The following TK1 variants were observed in gnomAD, a reference collection of about 807,000 sequenced individuals.
TK1 encodes the protein thymidine kinase, cytosolic.
A neutral mutation model predicts 22.4 loss-of-function variants in TK1; 13 were observed. The ratio of observed to expected loss-of-function variants is 0.58; its 90% CI spans 0.38 to 0.92. The LOEUF (loss-of-function observed/expected upper bound fraction) is 0.92, where lower values mean the gene tolerates loss of function less well. Among genes scored for constraint, TK1 ranks in the 40% least tolerant of loss-of-function variants. The pLI is 0.00. For missense variants in TK1, 251 were observed against 315.7 expected, an observed-to-expected ratio of 0.80 and a Z score of 1.55; for synonymous variants, 134 against 125.4, an observed-to-expected ratio of 1.07 and a Z score of -0.46.
chr17:78,187,099 C>T (rs765279248), upstream of TK1: 6 of 1,299,408 alleles, frequency 4.6e-6, no homozygotes, highest in Non-Finnish European at 6.5e-6. Flanking sequence ...GCTGGCCAAT[C>T]ACGAGCCGGC....
At chr17:78,179,595 A>C (rs2075724764) in intron 4 of TK1, 1 of 985,410 alleles carries the variant, frequency 1.0e-6, no homozygotes, top group Non-Finnish European at 1.2e-6. Flanking sequence ...ACTCATACAG[A>C]ATGTTGGGCA....
Position 78,175,143 on chromosome 17 carries a change from C to T in TK1, c.420G>A (p.Val140=), listed in dbSNP as rs1210980097. The change falls in exon 6 of 7, where the codon GTG becomes GTA. Residue 140 remains valine (V), a synonymous_variant. Transcript: ENST00000301634. Reference sequence around the variant, plus strand: ...GCTTCACCACGCTCTCGGCCAGCGGCACCAGGTTCAGGATGGCCCCAAATG... The same window carrying T: ...GCTTCACCACGCTCTCGGCCAGCGGTACCAGGTTCAGGATGGCCCCAAATG... The part of the protein sequence containing the change: ...RKPFGAILNL[V]PLAESVVKLT... 1 of 1,612,952 alleles carries T rather than the reference C, an allele frequency of 6.2e-7. No homozygotes were observed. The highest frequency in any genetic ancestry group is 8.5e-7 in the Non-Finnish European group (1 of 1,179,884).
rs150251231 is a variant in TK1 at position 78,184,462 on chromosome 17, T to A, written c.209+593A>T. ...CCACATCTGCTGCCAAGGAAGTGAA[T>A]TTAACTCCCAAACTGAGGTTGCAGG... On this transcript the variant is annotated intron_variant, in intron 3 of 6. Coordinates refer to ENST00000301634, the MANE Select transcript of TK1 (RefSeq NM_003258.5). Among the ~76,000 whole-genome samples, 26 of 152,292 alleles carry A rather than the reference T, an allele frequency of 1.7e-4. No individual in the cohort carries two copies. The East Asian group carries it at 5.0e-3, about 29-fold the overall frequency.
At position 78,174,678 on chromosome 17, in the gene TK1, C is replaced by G; in HGVS notation, c.*81G>C. On this transcript the variant is annotated 3_prime_UTR_variant, in exon 7 of 7. Transcript: ENST00000301634. ...ACCCTCCACGCCTCCCGACTTCCTC[C>G]TGGAGTGGCTGGGCAGCATGCAGGG... The G allele has an allele frequency of 6.8e-7, 1 of 1,460,818 alleles. No individual in the cohort carries two copies. The highest frequency in any genetic ancestry group is 9.1e-7 in the Non-Finnish European group (1 of 1,097,478). 90.5% of individuals were successfully genotyped at this position (1,460,818 alleles called of 1,614,324 possible).
chr17:78,180,017 G>A (rs2075727459), intron 4 of TK1, among the ~76,000 whole-genome samples: 1 of 152,240 alleles, frequency 6.6e-6, no homozygotes. Context: ...GTTATAGTGA[G>A]CCGAGACTGC....
Position 78,175,648 on chromosome 17 carries a change from A to T in TK1, c.304-30T>A, listed in dbSNP as rs760441266. 3.8e-6 allele frequency: 6 copies of T among 1,599,200 alleles called. No homozygotes were observed. The South Asian group carries it at 6.6e-5, about 18-fold the overall frequency. On this transcript the variant is annotated intron_variant, in intron 4 of 6. Coordinates refer to ENST00000301634, the MANE Select transcript of TK1 (RefSeq NM_003258.5). ...AAAGGGCACGTGGAGAAAGAGTGTG[A>T]GAGCTTCCACCCCAGCAGCAGCTCC...
chr17:78,178,005 G>T (rs1239146560), intron 4 of TK1, among the ~76,000 whole-genome samples: 1 of 151,828 alleles, frequency 6.6e-6, no homozygotes, highest in East Asian at 1.9e-4. Context: ...CAAGTAGCTG[G>T]AATTACAGGT....
chr17:78,181,733 T>C (rs1020255129), intron 4 of TK1, among the ~76,000 whole-genome samples: 1 of 151,578 alleles, frequency 6.6e-6, no homozygotes, highest in Non-Finnish European at 1.5e-5. Flanking sequence ...AAAGGAACCA[T>C]GAGGCAAACC....
rs371179788 is a variant in TK1 at position 78,175,046 on chromosome 17, C to T, written c.513+4G>A. ...CGGCCTGCAGGGAAGGCAGGTGGAGCTACCTCCTTCTCTGTGCCGAGCCTC... is the reference window on the plus strand; with the variant it reads ...CGGCCTGCAGGGAAGGCAGGTGGAGTTACCTCCTTCTCTGTGCCGAGCCTC... On this transcript the variant is annotated splice_donor_region_variant and intron_variant, in intron 6 of 6. Transcript: ENST00000301634. The T allele has an allele frequency of 6.0e-5, 96 of 1,613,132 alleles. No homozygotes were observed. The African/African-American group carries it at 1.2e-3, about 20-fold the overall frequency.
In TK1 at chr17:78,187,025, A is replaced by T. The variant is rs2145833865; in HGVS notation, c.-31T>A. The stretch of plus-strand genomic sequence containing the variant: ...CTCCGGGAAGTTCACGAACCCGAGT[A>T]CTCTCCAAGGCCGTCCCGCAGTAAG... On this transcript the variant is annotated 5_prime_UTR_variant, in exon 1 of 7. Transcript: ENST00000301634. The T allele has an allele frequency of 6.3e-7, 1 of 1,587,570 alleles. No individual in the cohort carries two copies. Among genetic ancestry groups the T allele is most frequent in the East Asian group, 2.3e-5 (1 of 42,974 alleles).
intron 2 of TK1, 108 bp from the exon 3 acceptor site, chr17:78,185,273 G>C (rs2075773971): frequency 2.6e-6 from 2 of 764,708 alleles, no homozygotes; most frequent in Non-Finnish European, 2.3e-6. Flanking sequence ...TATGCAGACT[G>C]AGCCCACCAC....
At position 78,175,535 on chromosome 17, in the gene TK1, C is replaced by T; in HGVS notation, c.387G>A (p.Gln129=). 6.2e-7 allele frequency: 1 copy of T among 1,613,262 alleles called. No individual in the cohort carries two copies. Among genetic ancestry groups the T allele is most frequent in the South Asian group, 1.1e-5 (1 of 91,040 alleles). Residue 129 remains glutamine, a synonymous_variant, in exon 5 of 7, where the codon CAG becomes CAA. Coordinates refer to ENST00000301634, the MANE Select transcript of TK1 (RefSeq NM_003258.5). The stretch of plus-strand genomic sequence containing the variant: ...CCTGGATCAGACGCCTTACCTTCCT[C>T]TGGAAGGTCCCATCCAGTGCAGCCA... ...VIVAALDGTF[Q]RKPFGAILNL... is the part of the protein sequence containing the mutation.
chr17:78,177,298 C>T (rs575468164), intron 4 of TK1, among the ~76,000 whole-genome samples: 3 of 152,354 alleles, frequency 2.0e-5, no homozygotes, highest in African/African-American at 7.2e-5. Flanking sequence ...AAATTCCACA[C>T]CTGACCTCAT....
At chr17:78,177,941 G>C (rs1409032099) in intron 4 of TK1, among the ~76,000 whole-genome samples, 1 of 152,040 alleles carries the variant, frequency 6.6e-6, no homozygotes, top group African/African-American at 2.4e-5. Context: ...CATAATCTTG[G>C]CTCACTGCAA....
At chr17:78,175,414 G>C (rs369879300) in intron 5 of TK1, 115 bp downstream of exon 5, 1 of 1,162,042 alleles carries the variant, frequency 8.6e-7, no homozygotes, top group Non-Finnish European at 1.2e-6. Context: ...TGAGCAGCTC[G>C]GCCGTAACCC....
chr17:78,179,061 G>T, intron 4 of TK1: 1 of 672,254 alleles, frequency 1.5e-6, no homozygotes, highest in Non-Finnish European at 1.8e-6. Flanking sequence ...AGGGCATTTG[G>T]ATGTCGAGGA....
chr17:78,184,602 C>T (rs1345114696), intron 3 of TK1, among the ~76,000 whole-genome samples: 4 of 152,182 alleles, frequency 2.6e-5, no homozygotes, highest in African/African-American at 4.8e-5. Context: ...CAAAAATCAA[C>T]GTGCAGGCCA....
At chr17:78,180,297 C>G (rs2075729648) in intron 4 of TK1, among the ~76,000 whole-genome samples, 1 of 152,256 alleles carries the variant, frequency 6.6e-6, no homozygotes, top group African/African-American at 2.4e-5. Flanking sequence ...ATCAACCGGC[C>G]TGGAACCACG....
Position 78,174,646 on chromosome 17 carries a change from T to C in TK1, c.*113A>G, listed in dbSNP as rs1598963261. On this transcript the variant is annotated 3_prime_UTR_variant, in exon 7 of 7. Transcript: ENST00000301634. ...AAGGAGAGTTCCCAGAAGGCCAAGG[T>C]GTGGTCACCCTCCACGCCTCCCGAC... The C allele has an allele frequency of 2.4e-6, 3 of 1,228,834 alleles. No individual in the cohort carries two copies. Among genetic ancestry groups the C allele is most frequent in the Non-Finnish European group, 3.3e-6 (3 of 904,986 alleles). 76.1% of individuals were successfully genotyped at this position (1,228,834 alleles called of 1,614,324 possible). A position where few individuals can be genotyped will look rare whatever the true frequency, so the allele number is the denominator to read the frequency against.
Sources: allele counts gnomAD v4.1 joint callset (sites outside exome capture counted in the v4.1 genomes callset), GRCh38; gene constraint gnomAD v4.1.1; transcripts MANE v1.5; gene names NCBI Gene and HGNC (gene_info 2026-07-23, HGNC 2026-07-21).